NKAIN3: variants seen among roughly 807,000 people sequenced by gnomAD.
NKAIN3 encodes sodium/potassium-transporting ATPase subunit beta-1-interacting protein 3.
NKAIN3 carries 25 observed loss-of-function variants against 30.2 expected under a neutral mutation model. The ratio of observed to expected loss-of-function variants is 0.83; its 90% CI spans 0.60 to 1.16. NKAIN3 has a LOEUF of 1.16. Ranked by LOEUF, NKAIN3 falls within the 50% of genes most tolerant of loss-of-function variation. The pLI, the probability that NKAIN3 is intolerant of heterozygous loss-of-function variation, is 0.00. For synonymous variants in NKAIN3, 91 were observed against 89.6 expected (o/e 1.02, Z -0.09); for missense variants, 225 against 254.1 (o/e 0.89, Z 0.78).
At chr8:62,264,313 C>T (rs1812540635) in intron 1 of NKAIN3, among the ~76,000 whole-genome samples, 2 of 152,180 alleles carry the variant, frequency 1.3e-5, no homozygotes, top group South Asian at 4.1e-4. Context: ...TGTTCTGACC[C>T]ACCCCAATTC....
chr8:62,806,419 C>G lies in NKAIN3; in HGVS notation c.471+59290C>G, dbSNP rs13256386. On this transcript the variant is annotated intron_variant, in intron 4 of 6. Transcript: ENST00000623646. ...TGAACCAACCCAAATGTGCAACAATCATAGACTGGATTAAGAAAATGTGGC... is the reference window on the plus strand; with the variant it reads ...TGAACCAACCCAAATGTGCAACAATGATAGACTGGATTAAGAAAATGTGGC... Among the ~76,000 whole-genome samples, 427 of 152,210 alleles carry G rather than the reference C, an allele frequency of 2.8e-3. 3 individuals are homozygous for G. Among genetic ancestry groups the G allele is most frequent in the African/African-American group, 9.9e-3 (410 of 41,558 alleles).
intron 1 of NKAIN3, among the ~76,000 whole-genome samples, chr8:62,330,405 G>T (rs1264435230): frequency 6.6e-6 from 1 of 152,048 alleles, no homozygotes; most frequent in African/African-American, 2.4e-5. Context: ...GAGTCTAAGA[G>T]AGGGTAGTGG....
intron 4 of NKAIN3, among the ~76,000 whole-genome samples, chr8:62,763,210 A>G (rs1816723433): frequency 8.0e-6 from 1 of 124,496 alleles, no homozygotes; most frequent in Non-Finnish European, 1.6e-5. Flanking sequence ...AACAAGTGCG[A>G]GACTCCGTCT....
chr8:62,762,057 T>G (rs1480785436), intron 4 of NKAIN3, among the ~76,000 whole-genome samples: 1 of 152,214 alleles, frequency 6.6e-6, no homozygotes, highest in Non-Finnish European at 1.5e-5. Context: ...AGCTCACGCC[T>G]GTAATCCCAG....
intron 3 of NKAIN3, among the ~76,000 whole-genome samples, chr8:62,624,282 A>G (rs911982254): frequency 6.6e-6 from 1 of 152,004 alleles, no homozygotes; most frequent in East Asian, 1.9e-4. Flanking sequence ...CCTCCTGCCA[A>G]TGCAGCCCAG....
At chr8:62,994,709 G>A (rs138063693) in intron 5 of NKAIN3, among the ~76,000 whole-genome samples, 1 of 152,152 alleles carries the variant, frequency 6.6e-6, no homozygotes, top group Non-Finnish European at 1.5e-5. Context: ...GGCATTAACC[G>A]AGAGAAGAGA....
intron 1 of NKAIN3, among the ~76,000 whole-genome samples, chr8:62,350,077 C>G (rs889742395): frequency 6.6e-6 from 1 of 152,150 alleles, no homozygotes. Flanking sequence ...TTCTTCAAAA[C>G]ATTTGACAGA....
chr8:62,295,670 G>A (rs1813803158), intron 1 of NKAIN3, among the ~76,000 whole-genome samples: 2 of 152,160 alleles, frequency 1.3e-5, no homozygotes, highest in Non-Finnish European at 2.9e-5. Flanking sequence ...CTAACAAAAA[G>A]AGAAAATCCT....
intron 1 of NKAIN3, among the ~76,000 whole-genome samples, chr8:62,559,277 C>T (rs1809496009): frequency 6.6e-6 from 1 of 151,848 alleles, no homozygotes; most frequent in African/African-American, 2.4e-5. Context: ...ATAATACACT[C>T]ATTTTTAGCC....
chr8:62,742,732 T>C (rs1464895661), intron 3 of NKAIN3, among the ~76,000 whole-genome samples: 1 of 152,228 alleles, frequency 6.6e-6, no homozygotes, highest in African/African-American at 2.4e-5. Flanking sequence ...ATTTTTAAGA[T>C]TAATTCATTG....
chr8:62,273,303 A>T (rs968993543), intron 1 of NKAIN3, among the ~76,000 whole-genome samples: 14 of 152,198 alleles, frequency 9.2e-5, no homozygotes, highest in Admixed American at 3.3e-4. Flanking sequence ...TAATTTAATT[A>T]AAAAAATTAT....
chr8:62,360,746 T>C (rs1816532862), intron 1 of NKAIN3, among the ~76,000 whole-genome samples: 1 of 152,140 alleles, frequency 6.6e-6, no homozygotes, highest in South Asian at 2.1e-4. Context: ...TATTATTGTG[T>C]GGGAGTCTGA....
At chr8:62,251,305 T>G (rs572628862) in intron 1 of NKAIN3, among the ~76,000 whole-genome samples, 2 of 152,234 alleles carry the variant, frequency 1.3e-5, no homozygotes, top group South Asian at 4.1e-4. Flanking sequence ...TATTACATTA[T>G]AATAGCATAC....
At chr8:62,906,160 T>G (rs1431055523) in intron 4 of NKAIN3, among the ~76,000 whole-genome samples, 1 of 152,194 alleles carries the variant, frequency 6.6e-6, no homozygotes, top group Admixed American at 6.5e-5. Context: ...TGTGTTGCCC[T>G]CTGCACTGTG....
rs574865282 is a variant in NKAIN3, at chr8:62,595,888, C to T, written c.273+6094C>T. 2.0e-5 allele frequency among the ~76,000 whole-genome samples: 3 copies of T among 152,018 alleles called. No homozygotes were observed. In the East Asian group the frequency reaches 5.9e-4, roughly 30 times the overall value. On this transcript the variant is annotated intron_variant, in intron 3 of 6. Coordinates refer to ENST00000623646, the MANE Select transcript of NKAIN3 (RefSeq NM_001304533.3). ...TCTTAGTCATGGACTGCATCTGGAG[C>T]TCCATTTGAAGAACGATTTGTAGTT...
At chr8:62,856,363 TG>T in intron 4 of NKAIN3, 1 of 854,912 alleles carries the variant, frequency 1.2e-6, no homozygotes, top group Non-Finnish European at 2.0e-6. Context: ...CTGGTCTCCT[TG>T]GAGTGAACCT....
chr8:62,721,357 A>G (rs1361030965), intron 3 of NKAIN3, among the ~76,000 whole-genome samples: 2 of 152,222 alleles, frequency 1.3e-5, no homozygotes, highest in African/African-American at 4.8e-5. Context: ...AATGTTAAGC[A>G]GGTAAGTGAA....
chr8:62,511,546 C>G (rs1204816226), intron 1 of NKAIN3, among the ~76,000 whole-genome samples: 1 of 152,174 alleles, frequency 6.6e-6, no homozygotes, highest in Non-Finnish European at 1.5e-5. Context: ...TGCCCAAAAT[C>G]TTTCCAAGGG....
chr8:62,496,214 C>T (rs1807231869), intron 1 of NKAIN3, among the ~76,000 whole-genome samples: 2 of 152,064 alleles, frequency 1.3e-5, no homozygotes, highest in Admixed American at 1.3e-4. Flanking sequence ...TGTAAATGCA[C>T]ACAAGAAGAA....
Sources: gnomAD v4.1 joint callset for allele counts (sites outside exome capture counted in the v4.1 genomes callset) on GRCh38, gnomAD v4.1.1 for gene constraint, MANE v1.5 for transcripts, NCBI Gene and HGNC (gene_info 2026-07-23, HGNC 2026-07-21) for gene names.